Variants in TSPAN18 observed in about 807,000 individuals in gnomAD.
The protein encoded by TSPAN18 is tetraspanin-18.
Under a neutral mutation model 27.3 loss-of-function variants are expected in TSPAN18, and 14 were observed. The ratio of observed to expected loss-of-function variants is 0.51; its 90% CI spans 0.34 to 0.80. The LOEUF (loss-of-function observed/expected upper bound fraction) is 0.80, where lower values mean the gene tolerates loss of function less well. Ranked by LOEUF, TSPAN18 falls within the 30% of genes least tolerant of loss-of-function variation. The probability of loss-of-function intolerance (pLI) is 0.01; values close to 1 mark genes in which losing one functional copy is unlikely to be tolerated. For missense variants in TSPAN18, 268 were observed against 323.9 expected, an observed-to-expected ratio of 0.83 and a Z score of 1.32; for synonymous variants, 143 against 136.5, an observed-to-expected ratio of 1.05 and a Z score of -0.33.
chr11:44,749,856 T>C (rs1855170496), intron 1 of TSPAN18, among the ~76,000 whole-genome samples: 1 of 152,178 alleles, frequency 6.6e-6, no homozygotes, highest in Non-Finnish European at 1.5e-5. Flanking sequence ...CAGGGTGGCC[T>C]CCATCTCCTG....
intron 2 of TSPAN18, among the ~76,000 whole-genome samples, chr11:44,834,625 G>A (rs1044759888): frequency 1.3e-5 from 2 of 152,132 alleles, no homozygotes; most frequent in African/African-American, 4.8e-5. Flanking sequence ...GGTTAGGCAG[G>A]CAGGCTCAGC....
At chr11:44,819,160 C>T (rs1011872578) in intron 2 of TSPAN18, among the ~76,000 whole-genome samples, 4 of 152,166 alleles carry the variant, frequency 2.6e-5, no homozygotes, top group South Asian at 2.1e-4. Context: ...TGCCTTCAGG[C>T]GGGCTCTTCT....
chr11:44,746,945 A>G (rs896726), intron 1 of TSPAN18, among the ~76,000 whole-genome samples: 42,896 of 152,096 alleles, frequency 0.28, 8,071 homozygotes, highest in East Asian at 0.79. Flanking sequence ...CAGCCTTCCC[A>G]TTGCTCATGT....
At chr11:44,902,167 T>A (rs571629486) in intron 3 of TSPAN18, among the ~76,000 whole-genome samples, 1 of 152,248 alleles carries the variant, frequency 6.6e-6, no homozygotes, top group South Asian at 2.1e-4. Context: ...CAGAGTTAGG[T>A]GTAGACGTGA....
chr11:44,749,406 T>A (rs1055198724), intron 1 of TSPAN18, among the ~76,000 whole-genome samples: 1 of 152,218 alleles, frequency 6.6e-6, no homozygotes, highest in East Asian at 1.9e-4. Context: ...ACTTTTTTGC[T>A]AGGCATGTGG....
intron 3 of TSPAN18, among the ~76,000 whole-genome samples, chr11:44,870,563 T>G (rs954216819): frequency 6.6e-6 from 1 of 152,128 alleles, no homozygotes; most frequent in Admixed American, 6.5e-5. Flanking sequence ...AGTCAGCAGC[T>G]CACTACTTGC....
intron 1 of TSPAN18, among the ~76,000 whole-genome samples, chr11:44,734,473 T>C (rs1854739700): frequency 6.6e-6 from 1 of 152,200 alleles, no homozygotes; most frequent in Admixed American, 6.5e-5. Context: ...GCCTGGCACA[T>C]AGTAGGTGTC....
chr11:44,897,668 C>T (rs553946187), intron 3 of TSPAN18: 10 of 846,354 alleles, frequency 1.2e-5, no homozygotes, highest in African/African-American at 8.7e-5. Context: ...ATCTGGAGGG[C>T]GGGTTTTCAT....
chr11:44,749,406 T>G (rs1055198724), intron 1 of TSPAN18, among the ~76,000 whole-genome samples: 4 of 152,218 alleles, frequency 2.6e-5, no homozygotes, highest in Non-Finnish European at 5.9e-5. Context: ...ACTTTTTTGC[T>G]AGGCATGTGG....
intron 2 of TSPAN18, among the ~76,000 whole-genome samples, chr11:44,848,779 G>A (rs2135183076): frequency 6.6e-6 from 1 of 152,342 alleles, no homozygotes; most frequent in South Asian, 2.1e-4. Flanking sequence ...CATGGCCCAT[G>A]AGTGGCACAA....
intron 2 of TSPAN18, among the ~76,000 whole-genome samples, chr11:44,842,678 C>T (rs1857397246): frequency 6.6e-6 from 1 of 152,160 alleles, no homozygotes; most frequent in Admixed American, 6.5e-5. Context: ...ATTCTCCAGG[C>T]TCTGAGAATT....
At chr11:44,855,148 G>GT (rs1332865910) in intron 2 of TSPAN18, among the ~76,000 whole-genome samples, 2 of 149,238 alleles carry the variant, frequency 1.3e-5, no homozygotes, top group Admixed American at 6.6e-5. Flanking sequence ...TCATCCTGAA[G>GT]GTTTTTTTTT....
chr11:44,928,058 A>AGGG (rs1860434446), intron 9 of TSPAN18, among the ~76,000 whole-genome samples: 2 of 152,094 alleles, frequency 1.3e-5, no homozygotes, highest in South Asian at 4.1e-4. Context: ...CACCCCAGTG[A>AGGG]GCCTCCTGGT....
chr11:44,893,815 C>A (rs1297168177), intron 3 of TSPAN18, among the ~76,000 whole-genome samples: 2 of 152,156 alleles, frequency 1.3e-5, no homozygotes, highest in African/African-American at 2.4e-5. Flanking sequence ...TAATATCAGG[C>A]CTTAGTAAAT....
intron 2 of TSPAN18, among the ~76,000 whole-genome samples, chr11:44,851,330 A>G (rs1257850323): frequency 6.6e-6 from 1 of 152,132 alleles, no homozygotes; most frequent in Non-Finnish European, 1.5e-5. Context: ...CTAGCCCGGC[A>G]TCCCCTGACC....
At chr11:44,726,954 G>T (rs1249506373), upstream of TSPAN18, 1 of 146,498 alleles carries the variant, frequency 6.8e-6, no homozygotes, top group South Asian at 2.0e-4. Flanking sequence ...GCGGGCTGGC[G>T]GGCGTGCAGC....
intron 2 of TSPAN18, among the ~76,000 whole-genome samples, chr11:44,774,584 G>A (rs899313117): frequency 3.3e-5 from 5 of 152,252 alleles, no homozygotes; most frequent in African/African-American, 9.6e-5. Context: ...TTGCAATTGG[G>A]GACCTCCCAG....
At chr11:44,821,812 TAGAA>T (rs1207447746) in intron 2 of TSPAN18, among the ~76,000 whole-genome samples, 5 of 152,204 alleles carry the variant, frequency 3.3e-5, no homozygotes, top group African/African-American at 1.2e-4. Context: ...CTCAAGGTAG[TAGAA>T]AGAGTCACGA....
chr11:44,791,117 G>A (rs541709065), intron 2 of TSPAN18, among the ~76,000 whole-genome samples: 2 of 152,280 alleles, frequency 1.3e-5, no homozygotes, highest in South Asian at 4.2e-4. Flanking sequence ...GTGGCCTCCC[G>A]AGAGACCCCG....
Sources: gnomAD v4.1 joint callset for allele counts (sites outside exome capture counted in the v4.1 genomes callset) on GRCh38, gnomAD v4.1.1 for gene constraint, MANE v1.5 for transcripts, NCBI Gene and HGNC (gene_info 2026-07-23, HGNC 2026-07-21) for gene names.